The following UGT1A4 variants were observed in gnomAD, a reference collection of about 807,000 sequenced individuals.
UGT1A4 encodes the protein UDP-glucuronosyltransferase 1A4.
UGT1A4 carries 32 observed loss-of-function variants against 41.1 expected under a neutral mutation model. The observed-to-expected ratio is 0.78, with a 90% CI of 0.59 to 1.05. The LOEUF is 1.05. Among genes scored for constraint, UGT1A4 ranks in the 50% least tolerant of loss-of-function variants. UGT1A4 has a pLI of 0.00. For synonymous variants in UGT1A4, 283 were observed against 265.1 expected (o/e 1.07, Z -0.66); for missense variants, 748 against 677.4 (o/e 1.10, Z -1.16).
intron 2 of UGT1A4, 67 bp from the exon 3 acceptor site, chr2:233,767,782 A>T: frequency 3.1e-6 from 5 of 1,613,494 alleles, no homozygotes; most frequent in Non-Finnish European, 4.2e-6. Context: ...TCTAGTTAGT[A>T]TAGCAGATTT....
rs34526305 is a variant in UGT1A4 at position 233,760,428 on chromosome 2, C to T, written c.868-6606C>T. The T allele has an allele frequency of 1.7e-3, 2,732 of 1,614,194 alleles. 18 individuals carry two copies. Among genetic ancestry groups the T allele is most frequent in the Middle Eastern group, 9.2e-3 (56 of 6,062 alleles). ...ACTGGCTGAGCATGCTTGGGGCCAT[C>T]CAGCAGCTGCAGCAGAGGGGACATG... On this transcript the variant is annotated intron_variant, in intron 1 of 4. Coordinates refer to ENST00000373409, the MANE Select transcript of UGT1A4 (RefSeq NM_007120.3).
At chr2:233,746,624 G>C (rs934218336) in intron 1 of UGT1A4, among the ~76,000 whole-genome samples, 2 of 151,670 alleles carry the variant, frequency 1.3e-5, no homozygotes, top group Non-Finnish European at 2.9e-5. Context: ...CTCCTTTCAG[G>C]CAAGGACCAT....
At chr2:233,767,550 T>C (rs2110298) in intron 2 of UGT1A4, among the ~76,000 whole-genome samples, 2,565 of 152,382 alleles carry the variant, frequency 0.017, 61 homozygotes, top group Admixed American at 0.057. Flanking sequence ...CTTATAGTTC[T>C]GCATCCACTT....
In UGT1A4 at chr2:233,772,242, G is replaced by A. The variant is rs762612938; in HGVS notation, c.1308-20G>A. ...ATACCACAGGTGTTCCAGGCATAAC[G>A]AAACTGTCTTTGTGTTTAGTTACAA... On this transcript the variant is annotated intron_variant, in intron 4 of 4. Transcript: ENST00000373409. 5.6e-6 allele frequency: 9 copies of A among 1,614,002 alleles called. No individual in the cohort carries two copies. Among genetic ancestry groups the A allele is most frequent in the East Asian group, 4.5e-5 (2 of 44,900 alleles).
chr2:233,750,234 G>T (rs928737676), intron 1 of UGT1A4, among the ~76,000 whole-genome samples: 6 of 151,846 alleles, frequency 4.0e-5, no homozygotes, highest in African/African-American at 1.5e-4. Flanking sequence ...GGAACTTATT[G>T]GGAACTGGAA....
intron 1 of UGT1A4, among the ~76,000 whole-genome samples, chr2:233,733,368 G>A (rs1157903403): frequency 6.6e-6 from 1 of 152,148 alleles, no homozygotes; most frequent in African/African-American, 2.4e-5. Context: ...GGTGAGAGAG[G>A]TCATCCTTGT....
At position 233,769,958 on chromosome 2, in the gene UGT1A4, G is replaced by T. The variant is rs1575848035; in HGVS notation, c.1307+1519G>T. 1 of 216,598 alleles carries T rather than the reference G, an allele frequency of 4.6e-6. No individual in the cohort carries two copies. The highest frequency in any genetic ancestry group is 1.1e-4 in the South Asian group (1 of 9,406). The allele number at this position is 216,598 out of a possible 1,614,324, so 13.4% of individuals were successfully genotyped here. On this transcript the variant is annotated intron_variant, in intron 4 of 4. Coordinates refer to ENST00000373409, the MANE Select transcript of UGT1A4 (RefSeq NM_007120.3). The surrounding 1 kb of genome is among the most constrained non-coding windows in gnomAD (Gnocchi z 4.4). Reference sequence around the variant, plus strand: ...TTCCTTCCTTCCAGCGGCTTCTTCTGGCCACCTCAATGTCAGGATGTCCTG... The same window carrying T: ...TTCCTTCCTTCCAGCGGCTTCTTCTTGCCACCTCAATGTCAGGATGTCCTG...
chr2:233,768,295 C>A lies in UGT1A4; in HGVS notation c.1163C>A (p.Pro388His). 1.9e-6 allele frequency: 3 copies of A among 1,614,158 alleles called. No individual in the cohort carries two copies. Among genetic ancestry groups the A allele is most frequent in the South Asian group, 2.2e-5 (2 of 91,082 alleles). ...GVYESICNGV[P>H]MVMMPLFGDQ... The stretch of plus-strand genomic sequence containing the variant: ...TATGAAAGCATATGCAATGGCGTTC[C>A]CATGGTGATGATGCCCTTGTTTGGT... Residue 388 changes from proline (P) to histidine (H), a missense_variant, in exon 4 of 5, where the codon CCC (proline) becomes CAC (histidine). Coordinates refer to ENST00000373409, the MANE Select transcript of UGT1A4 (RefSeq NM_007120.3).
At chr2:233,768,524 T>C (rs1008769562) in intron 4 of UGT1A4, 85 bp downstream of exon 4, 5 of 1,531,904 alleles carry the variant, frequency 3.3e-6, no homozygotes, top group Non-Finnish European at 4.4e-6. Context: ...ACGTAGCATT[T>C]AATAGCGTTG....
At position 233,772,492 on chromosome 2, in the gene UGT1A4, A is replaced by G; in HGVS notation, c.1538A>G (p.Tyr513Cys). Reference sequence around the variant, plus strand: ...TTCATCACCTTTAAATGTTGTGCTTATGGCTACCGGAAATGCTTGGGGAAA... The same window carrying G: ...TTCATCACCTTTAAATGTTGTGCTTGTGGCTACCGGAAATGCTTGGGGAAA... ...VAFITFKCCA[Y>C]GYRKCLGKKG... Residue 513 changes from tyrosine (Y) to cysteine (C), a missense_variant, in exon 5 of 5, where the codon TAT (tyrosine) becomes TGT (cysteine). Coordinates refer to ENST00000373409, the MANE Select transcript of UGT1A4 (RefSeq NM_007120.3). 6.2e-7 allele frequency: 1 copy of G among 1,614,134 alleles called. No individual in the cohort carries two copies. The highest frequency in any genetic ancestry group is 1.1e-5 in the South Asian group (1 of 91,080).
At position 233,746,588 on chromosome 2, in the gene UGT1A4, TGA is replaced by T. The variant is rs1470732385; in HGVS notation, c.868-20444_868-20443del. Among the ~76,000 whole-genome samples the T allele has an allele frequency of 2.0e-5, 3 of 151,754 alleles. 1 individual carries two copies. The highest frequency in any genetic ancestry group is 7.3e-5 in the African/African-American group (3 of 41,048). On this transcript the variant is annotated intron_variant, in intron 1 of 4. Coordinates refer to ENST00000373409, the MANE Select transcript of UGT1A4 (RefSeq NM_007120.3). ...ACCACACCCTGTAATTGCCTAGTTG[TGA>T]GTTTGTCTCTGTTCACCTGACCCCT...
chr2:233,772,331 C>T lies in UGT1A4; in HGVS notation c.1377C>T (p.Ala459=), dbSNP rs755348390. 16 of 1,614,018 alleles carry T rather than the reference C, an allele frequency of 9.9e-6. No homozygotes were observed. The highest frequency in any genetic ancestry group is 5.0e-5 in the Admixed American group (3 of 59,996). The change falls in exon 5 of 5, where the codon GCC becomes GCT. Residue 459 remains alanine (A), a synonymous_variant. Coordinates refer to ENST00000373409, the MANE Select transcript of UGT1A4 (RefSeq NM_007120.3). ...KDRPVEPLDL[A]VFWVEFVMRH... is the part of the protein sequence containing the mutation. ...GCCCGGTGGAGCCGCTGGACCTGGC[C>T]GTGTTCTGGGTGGAGTTTGTGATGA...
At chr2:233,746,951 C>A (rs1693515830) in intron 1 of UGT1A4, among the ~76,000 whole-genome samples, 1 of 151,748 alleles carries the variant, frequency 6.6e-6, no homozygotes, top group Admixed American at 6.5e-5. Context: ...GAAACAAGAG[C>A]TTGAACTTGG....
chr2:233,766,887 T>G, intron 1 of UGT1A4, 147 bp from the exon 2 acceptor site: 1 of 1,461,916 alleles, frequency 6.8e-7, no homozygotes, highest in Non-Finnish European at 9.0e-7. Context: ...CTGTAAAACT[T>G]ACATATTAAT....
intron 1 of UGT1A4, among the ~76,000 whole-genome samples, chr2:233,764,766 A>C (rs1389982241): frequency 6.6e-6 from 1 of 152,156 alleles, no homozygotes; most frequent in Non-Finnish European, 1.5e-5. Flanking sequence ...CTAGGGAGGA[A>C]GGAGTTCAGA....
rs561946796 is a variant in UGT1A4, at chr2:233,772,692, G to A, written c.*133G>A. Reference sequence around the variant, plus strand: ...TGCATAAATTAATCAGCCCCAGAGTGCTTTAAAAAATTCTCTTAAATAAAA... The same window carrying A: ...TGCATAAATTAATCAGCCCCAGAGTACTTTAAAAAATTCTCTTAAATAAAA... On this transcript the variant is annotated 3_prime_UTR_variant, in exon 5 of 5. Coordinates refer to ENST00000373409, the MANE Select transcript of UGT1A4 (RefSeq NM_007120.3). 1.0e-4 allele frequency: 156 copies of A among 1,485,828 alleles called. No homozygotes were observed. In the South Asian group the frequency reaches 1.7e-3, roughly 16 times the overall value. 92.0% of individuals were successfully genotyped at this position (1,485,828 alleles called of 1,614,324 possible). A position where few individuals can be genotyped will look rare whatever the true frequency, so the allele number is the denominator to read the frequency against.
chr2:233,739,208 T>A lies in UGT1A4; in HGVS notation c.867+19521T>A, dbSNP rs185605986. 2.6e-3 allele frequency among the ~76,000 whole-genome samples: 389 copies of A among 152,338 alleles called. 3 individuals are homozygous for A. Among genetic ancestry groups the A allele is most frequent in the Non-Finnish European group, 3.9e-3 (262 of 68,030 alleles). On this transcript the variant is annotated intron_variant, in intron 1 of 4. Coordinates refer to ENST00000373409, the MANE Select transcript of UGT1A4 (RefSeq NM_007120.3). ...GATGTCCAGGCAGACGTTTGCTGCA[T>A]GGATAGAGTCCTTATAGAGAACCTC...
rs1421246171 is a variant in UGT1A4, at chr2:233,747,288, G to T, written c.868-19746G>T. ...TACTCCTTCTCAGTGCCCAGCCCTG[G>T]GCTGAGAGTGGGAAGGTGCTGGTGG... On this transcript the variant is annotated intron_variant, in intron 1 of 4. Transcript: ENST00000373409. 3 of 1,601,214 alleles carry T rather than the reference G, an allele frequency of 1.9e-6. No homozygotes were observed. The African/African-American group carries it at 4.0e-5, about 22-fold the overall frequency.
rs752437022 is a variant in UGT1A4 at position 233,718,925 on chromosome 2, C to T, written c.105C>T (p.Pro35=). 3.1e-6 allele frequency: 5 copies of T among 1,614,078 alleles called. No individual in the cohort carries two copies. The highest frequency in any genetic ancestry group is 1.7e-4 in the Middle Eastern group (1 of 6,040). The change falls in exon 1 of 5, where the codon CCC becomes CCT. Residue 35 remains proline, a synonymous_variant. Coordinates refer to ENST00000373409, the MANE Select transcript of UGT1A4 (RefSeq NM_007120.3). ...AGAGTGGAAAGGTGTTGGTGGTGCC[C>T]ACTGATGGCAGCCCCTGGCTCAGCA... The part of the protein sequence containing the change: ...WAESGKVLVV[P]TDGSPWLSMR...
Sources: allele counts gnomAD v4.1 joint callset (sites outside exome capture counted in the v4.1 genomes callset), GRCh38; gene constraint gnomAD v4.1.1; non-coding constraint Gnocchi (gnomAD v3.1); transcripts MANE v1.5; gene names NCBI Gene and HGNC (gene_info 2026-07-23, HGNC 2026-07-21).